ATIC: variants seen among roughly 807,000 people sequenced by gnomAD.
ATIC encodes 5-aminoimidazole-4-carboxamide ribonucleotide formyltransferase/IMP cyclohydrolase.
ATIC carries 64 observed loss-of-function variants against 72.5 expected under a neutral mutation model. That is an observed-to-expected ratio of 0.88 (90% confidence interval 0.72 to 1.09). ATIC has a LOEUF of 1.09. Among genes scored for constraint, ATIC ranks in the 50% least tolerant of loss-of-function variants. The pLI, the probability that ATIC is intolerant of heterozygous loss-of-function variation, is 0.00. For synonymous variants in ATIC, 281 were observed against 267.1 expected (o/e 1.05, Z -0.51); for missense variants, 787 against 732.4 (o/e 1.07, Z -0.86).
chr2:215,335,444 C>T (rs1241997265), intron 10 of ATIC, among the ~76,000 whole-genome samples: 1 of 151,692 alleles, frequency 6.6e-6, no homozygotes, highest in Non-Finnish European at 1.5e-5. Context: ...AGTAGGAAGA[C>T]AGGAAGAAAA....
At chr2:215,351,613 G>A (rs765852741), downstream of ATIC, among the ~76,000 whole-genome samples, 1 of 152,110 alleles carries the variant, frequency 6.6e-6, no homozygotes, top group Non-Finnish European at 1.5e-5. Context: ...AATTAGCTGG[G>A]CATGGTGGCT....
intron 6 of ATIC, 83 bp downstream of exon 6, chr2:215,326,221 G>T: frequency 6.6e-7 from 1 of 1,524,594 alleles, no homozygotes; most frequent in Non-Finnish European, 9.1e-7. Context: ...GTTCTTGGTA[G>T]ATTGCATTAC....
intron 4 of ATIC, among the ~76,000 whole-genome samples, chr2:215,321,574 C>A (rs556304095): frequency 1.3e-5 from 2 of 152,294 alleles, no homozygotes; most frequent in African/African-American, 4.8e-5. Context: ...CAGAGTGCTG[C>A]ACCATTTTAC....
intron 14 of ATIC, 79 bp from the exon 15 acceptor site, chr2:215,349,015 T>A (rs1469630777): frequency 2.1e-6 from 3 of 1,461,850 alleles, no homozygotes; most frequent in Non-Finnish European, 2.8e-6. Flanking sequence ...CCCAGGTGCT[T>A]TCTGGCATGG....
chr2:215,324,046 G>A (rs566922312), intron 4 of ATIC, among the ~76,000 whole-genome samples: 6 of 152,218 alleles, frequency 3.9e-5, no homozygotes, highest in South Asian at 4.2e-4. Flanking sequence ...GCAGGCGTGC[G>A]CCACCTTGCC....
rs563446095 is a variant in ATIC at position 215,314,313 on chromosome 2, G to A, written c.146+1689G>A. 2.0e-5 allele frequency among the ~76,000 whole-genome samples: 3 copies of A among 152,182 alleles called. No homozygotes were observed. The South Asian group carries it at 6.2e-4, about 32-fold the overall frequency. ...GAGCAATTGTTTTTTCTTCAACAAA[G>A]GCCACATTCAGTTGCAGTGGTATTT... On this transcript the variant is annotated intron_variant, in intron 2 of 15. Transcript: ENST00000236959.
At chr2:215,361,463 G>GA in the ATIC span, 2 of 933,010 alleles carry the variant, frequency 2.1e-6, no homozygotes, top group East Asian at 2.4e-5. Context: ...AAGAAAGAAA[G>GA]AAGAACTCTA....
At chr2:215,318,745 A>G (rs2052736560) in intron 3 of ATIC, among the ~76,000 whole-genome samples, 1 of 152,226 alleles carries the variant, frequency 6.6e-6, no homozygotes, top group East Asian at 1.9e-4. Flanking sequence ...ATCATCAGAC[A>G]AGCCATTGAC....
chr2:215,337,659 G>A (rs1338897249), intron 11 of ATIC, among the ~76,000 whole-genome samples: 1 of 152,200 alleles, frequency 6.6e-6, no homozygotes, highest in African/African-American at 2.4e-5. Context: ...GAGCCACCGC[G>A]CCTGGCCCCC....
intron 4 of ATIC, among the ~76,000 whole-genome samples, chr2:215,320,075 C>G (rs188322235): frequency 1.3e-5 from 2 of 152,152 alleles, no homozygotes; most frequent in African/African-American, 4.8e-5. Flanking sequence ...CGAAATGCTT[C>G]AGTGAGCATT....
chr2:215,332,131 CGTGTGTGTGTGTGTGTGTGTGTGTGTGT>C (rs71044585), intron 7 of ATIC, among the ~76,000 whole-genome samples: 70 of 142,254 alleles, frequency 4.9e-4, no homozygotes, highest in African/African-American at 1.4e-3. Flanking sequence ...GTCCTCCAGT[CGTGTGTGTGTGTGTGTGTGTGTGTGTGT>C]GTGTGTGTGT....
intron 2 of ATIC, 54 bp downstream of exon 2, chr2:215,312,678 T>C: frequency 1.9e-6 from 3 of 1,613,372 alleles, no homozygotes; most frequent in Non-Finnish European, 2.5e-6. Flanking sequence ...AACCAGGAAG[T>C]ATTGTATTCC....
At chr2:215,364,261 A>C in the ATIC span, 154 of 175,650 alleles carry the variant, frequency 8.8e-4, no homozygotes, top group Admixed American at 1.8e-3. Flanking sequence ...GTTCTGAATC[A>C]AGAGAGAGGT....
intron 2 of ATIC, among the ~76,000 whole-genome samples, chr2:215,316,532 A>T (rs1292530254): frequency 6.6e-6 from 1 of 152,188 alleles, no homozygotes; most frequent in African/African-American, 2.4e-5. Context: ...CCTGTGAATA[A>T]TCACTGTACT....
chr2:215,355,435 G>C, the ATIC span, among the ~76,000 whole-genome samples: 1 of 152,104 alleles, frequency 6.6e-6, no homozygotes, highest in Non-Finnish European at 1.5e-5. Flanking sequence ...GGGATCCCCT[G>C]GGCACAGGGA....
chr2:215,364,937 T>C, the ATIC span: 3 of 1,579,852 alleles, frequency 1.9e-6, no homozygotes, highest in Non-Finnish European at 2.6e-6. Flanking sequence ...CTTCTGCCAC[T>C]GTTCTCCTAC....
intron 7 of ATIC, among the ~76,000 whole-genome samples, chr2:215,331,724 T>C: frequency 6.7e-6 from 1 of 148,204 alleles, no homozygotes; most frequent in South Asian, 2.1e-4. Flanking sequence ...TTTCTTTCTG[T>C]GTGCTGAACT....
the ATIC span, among the ~76,000 whole-genome samples, chr2:215,359,055 T>C: frequency 6.6e-6 from 1 of 152,096 alleles, no homozygotes; most frequent in Non-Finnish European, 1.5e-5. Context: ...GCTAATTGTT[T>C]TATTTTTTGT....
At chr2:215,317,039 A>G (rs1258595500) in intron 2 of ATIC, among the ~76,000 whole-genome samples, 1 of 152,222 alleles carries the variant, frequency 6.6e-6, no homozygotes, top group African/African-American at 2.4e-5. Flanking sequence ...CTGGGATTAC[A>G]GGTGTGAGCC....
Sources: gnomAD v4.1 joint callset for allele counts (sites outside exome capture counted in the v4.1 genomes callset) on GRCh38, gnomAD v4.1.1 for gene constraint, MANE v1.5 for transcripts, NCBI Gene and HGNC (gene_info 2026-07-23, HGNC 2026-07-21) for gene names.